The following PEX1 variants were observed in gnomAD, a reference collection of about 807,000 sequenced individuals.
PEX1 encodes peroxisomal biogenesis factor 1, also known as peroxisomal ATPase PEX1.
A neutral mutation model predicts 152.5 loss-of-function variants in PEX1; 97 were observed. That is an observed-to-expected ratio of 0.64 (90% CI 0.54 to 0.75). The LOEUF (loss-of-function observed/expected upper bound fraction) is 0.75. Among genes scored for constraint, PEX1 ranks in the 30% least tolerant of loss-of-function variants. PEX1 has a pLI of 0.00. For synonymous variants in PEX1, 485 were observed against 531.6 expected, an observed-to-expected ratio of 0.91 and a Z score of 1.21; for missense variants, 1,357 against 1,516.3, an observed-to-expected ratio of 0.89 and a Z score of 1.74.
Position 92,507,068 on chromosome 7 carries a change from G to T in PEX1, c.1729C>A (p.Arg577Ser), listed in dbSNP as rs200991412. The change falls in exon 10 of 24, where the codon CGC becomes AGC. Residue 577 changes from arginine to serine, a missense_variant. Physicochemically the swap from Arg to Ser is moderately radical, Grantham distance 110 (BLOSUM62 -1). Coordinates refer to ENST00000248633, the MANE Select transcript of PEX1 (RefSeq NM_000466.3). ...GACATCAGCTGCCGAGACAAAGGGC[G>T]TCCCAGGAGGCTGTGAGTGATGTGC... ...LEHITHSLLGRPLSRQLMSLV... is the reference protein window; with the variant it reads ...LEHITHSLLGSPLSRQLMSLV... The T allele has an allele frequency of 3.7e-6, 6 of 1,613,762 alleles. No individual in the cohort carries two copies. Among genetic ancestry groups the T allele is most frequent in the Non-Finnish European group, 5.1e-6 (6 of 1,179,728 alleles).
intron 16 of PEX1, among the ~76,000 whole-genome samples, chr7:92,497,182 C>T (rs995949084): frequency 7.9e-5 from 12 of 152,088 alleles, no homozygotes; most frequent in East Asian, 1.9e-4. Context: ...TGCTTGTTGT[C>T]GCTTTCCACT....
At chr7:92,525,248 CAATT>C (rs755948016) in intron 1 of PEX1, among the ~76,000 whole-genome samples, 50 of 152,274 alleles carry the variant, frequency 3.3e-4, no homozygotes, top group Non-Finnish European at 6.2e-4. Context: ...TCAAATCAAT[CAATT>C]AATTGACCTT....
chr7:92,510,944 T>A lies in PEX1; in HGVS notation c.1587A>T (p.Gln529His). ...TAAATATTCAATAACATGCTATTAC[T>A]TGTATTGTAGTCTTCTGCAGCAAAT... ...SPNLLQKTTI[Q>H]VLLDPMVKEE... Residue 529 changes from glutamine (Q) to histidine (H), a missense_variant and splice_region_variant, in exon 8 of 24, where the codon CAA (glutamine) becomes CAT (histidine). Transcript: ENST00000248633. 1 of 1,383,738 alleles carries A rather than the reference T, an allele frequency of 7.2e-7. No homozygotes were observed. Among genetic ancestry groups the A allele is most frequent in the African/African-American group, 1.4e-5 (1 of 70,568 alleles). 85.7% of individuals were successfully genotyped at this position (1,383,738 alleles called of 1,614,324 possible). A position where few individuals can be genotyped will look rare whatever the true frequency, so the allele number is the denominator to read the frequency against.
intron 15 of PEX1, among the ~76,000 whole-genome samples, chr7:92,500,865 G>A (rs1048084467): frequency 1.9e-4 from 29 of 152,260 alleles, no homozygotes; most frequent in African/African-American, 6.7e-4. Flanking sequence ...TGCCAAGTCT[G>A]CTTTTCAAGG....
chr7:92,511,533 A>T, intron 7 of PEX1, 47 bp downstream of exon 7: 1 of 1,447,634 alleles, frequency 6.9e-7, no homozygotes, highest in Non-Finnish European at 9.6e-7. Flanking sequence ...TTAAAAATGT[A>T]CAACTATTTA....
In PEX1 at chr7:92,518,257, T is replaced by G. The variant is rs1057517500; in HGVS notation, c.358-2A>C. 1.3e-6 allele frequency: 2 copies of G among 1,559,592 alleles called. No homozygotes were observed. The highest frequency in any genetic ancestry group is 2.2e-5 in the South Asian group (2 of 89,978). On this transcript the variant is annotated splice_acceptor_variant, in intron 3 of 23. Transcript: ENST00000248633. LOFTEE classifies it high-confidence loss of function. ...TTCAAGGGAAACAGCATGCAGCTCCTAGAACCAACAGACGAAAAGATCAAT... is the reference window on the plus strand; with the variant it reads ...TTCAAGGGAAACAGCATGCAGCTCCGAGAACCAACAGACGAAAAGATCAAT...
rs777065672 is a variant in PEX1, at chr7:92,517,725, A to G, written c.790T>C (p.Ser264Pro). 6.2e-7 allele frequency: 1 copy of G among 1,611,432 alleles called. No homozygotes were observed. The highest frequency in any genetic ancestry group is 1.3e-5 in the African/African-American group (1 of 74,938). ...GCATTGATTTCAGTTAAACCCCAAGATGTCTCTTGTTTCTTCTCAGATTGA... is the reference window on the plus strand; with the variant it reads ...GCATTGATTTCAGTTAAACCCCAAGGTGTCTCTTGTTTCTTCTCAGATTGA... ...SFQSEKKQET[S>P]WGLTEINAFK... The change falls in exon 5 of 24, where the codon TCT (serine) becomes CCT (proline). Residue 264 changes from serine (S) to proline (P), a missense_variant. Physicochemically the swap from Ser to Pro is moderately conservative, Grantham distance 74. Transcript: ENST00000248633.
At chr7:92,515,830 C>T (rs536295295) in intron 5 of PEX1, among the ~76,000 whole-genome samples, 2 of 151,716 alleles carry the variant, frequency 1.3e-5, no homozygotes, top group South Asian at 2.1e-4. Context: ...CTCGTCCCTA[C>T]TAAAAATACA....
chr7:92,489,585 C>T (rs1365129484), intron 22 of PEX1, 129 bp downstream of exon 22: 8 of 1,017,524 alleles, frequency 7.9e-6, no homozygotes, highest in Non-Finnish European at 1.2e-5. Context: ...ATAACCATGA[C>T]TGAGTTAATG....
chr7:92,498,417 A>G lies in PEX1; in HGVS notation c.2718+1287T>C, dbSNP rs1410139836. Among the ~76,000 whole-genome samples the G allele has an allele frequency of 2.0e-5, 3 of 152,126 alleles. No homozygotes were observed. In the East Asian group the frequency reaches 5.8e-4, roughly 29 times the overall value. The stretch of plus-strand genomic sequence containing the variant: ...GGAGAATAGCTTGAACCCAGGAGGC[A>G]GAGGTTGCAGTAAGCCAAGATTGCA... On this transcript the variant is annotated intron_variant, in intron 16 of 23. Coordinates refer to ENST00000248633, the MANE Select transcript of PEX1 (RefSeq NM_000466.3).
At chr7:92,519,320 G>A (rs1467355572) in intron 2 of PEX1, among the ~76,000 whole-genome samples, 3 of 151,882 alleles carry the variant, frequency 2.0e-5, no homozygotes, top group African/African-American at 7.3e-5. Context: ...GAAACCCTGG[G>A]CTCAAGCAAT....
intron 15 of PEX1, 104 bp from the exon 16 acceptor site, chr7:92,499,942 T>C (rs1390948134): frequency 1.2e-6 from 1 of 834,706 alleles, no homozygotes; most frequent in Non-Finnish European, 1.9e-6. Context: ...CAGATGGTAA[T>C]CACGACCATC....
chr7:92,511,657 C>T lies in PEX1; in HGVS notation c.1406G>A (p.Trp469Ter). 1 of 1,611,792 alleles carries T rather than the reference C, an allele frequency of 6.2e-7. No individual in the cohort carries two copies. Among genetic ancestry groups the T allele is most frequent in the Non-Finnish European group, 8.5e-7 (1 of 1,178,312 alleles). Residue 469 changes from tryptophan (W) to a stop codon, truncating the protein, a stop_gained, in exon 7 of 24, where the codon TGG (tryptophan) becomes TAG (stop). Coordinates refer to ENST00000248633, the MANE Select transcript of PEX1 (RefSeq NM_000466.3). LOFTEE classifies it high-confidence loss of function. ...EEDIKTVFYSWLQQSTTTMLP... is the reference protein window; with the variant it reads ...EEDIKTVFYS Reference sequence around the variant, plus strand: ...CATGGTGGTAGTAGACTGCTGTAGCCATGAATAAAATACAGTTTTTATGTC... The same window carrying T: ...CATGGTGGTAGTAGACTGCTGTAGCTATGAATAAAATACAGTTTTTATGTC...
At chr7:92,527,959 G>A (rs1373280420) in intron 1 of PEX1, among the ~76,000 whole-genome samples, 3 of 152,268 alleles carry the variant, frequency 2.0e-5, no homozygotes, top group East Asian at 1.9e-4. Flanking sequence ...AGGTTAACTG[G>A]AAATGGCTGG....
At chr7:92,502,306 A>G (rs759365912) in intron 13 of PEX1, among the ~76,000 whole-genome samples, 1 of 152,194 alleles carries the variant, frequency 6.6e-6, no homozygotes, top group African/African-American at 2.4e-5. Flanking sequence ...TGGCATCTAC[A>G]TATGTTAAAA....
At chr7:92,500,771 C>G (rs556062243) in intron 15 of PEX1, among the ~76,000 whole-genome samples, 1 of 152,286 alleles carries the variant, frequency 6.6e-6, no homozygotes, top group Non-Finnish European at 1.5e-5. Flanking sequence ...TTAAAACACA[C>G]TACCTCCTAG....
chr7:92,523,908 A>C (rs772461596), intron 1 of PEX1, among the ~76,000 whole-genome samples: 26 of 152,134 alleles, frequency 1.7e-4, no homozygotes, highest in Non-Finnish European at 3.5e-4. Context: ...CATTAAGTTA[A>C]AAATATTAGG....
Position 92,519,089 on chromosome 7 carries a change from T to G in PEX1, c.274-11A>C. 1 of 1,477,256 alleles carries G rather than the reference T, an allele frequency of 6.8e-7. No homozygotes were observed. The highest frequency in any genetic ancestry group is 9.5e-7 in the Non-Finnish European group (1 of 1,057,780). The allele number at this position is 1,477,256 out of a possible 1,614,324, so 91.5% of individuals were successfully genotyped here. A position where few individuals can be genotyped will look rare whatever the true frequency, so the allele number is the denominator to read the frequency against. On this transcript the variant is annotated splice_polypyrimidine_tract_variant and intron_variant, in intron 2 of 23. Transcript: ENST00000248633. The stretch of plus-strand genomic sequence containing the variant: ...TGGCTTGAGAAATACCTAGAAAAAA[T>G]TAAAAATTTAAAACTACTTTAAAAA...
chr7:92,498,071 A>G (rs1467899724), intron 16 of PEX1, among the ~76,000 whole-genome samples: 14 of 150,612 alleles, frequency 9.3e-5, no homozygotes, highest in African/African-American at 2.9e-4. Context: ...TCTCAGAGAA[A>G]AAAAAAAAAA....
Sources: allele counts gnomAD v4.1 joint callset (sites outside exome capture counted in the v4.1 genomes callset), GRCh38; gene constraint gnomAD v4.1.1; transcripts MANE v1.5; gene names NCBI Gene and HGNC (gene_info 2026-07-23, HGNC 2026-07-21).